Variants in MITF observed in about 807,000 individuals in gnomAD.
MITF encodes the protein melanocyte inducing transcription factor.
MITF carries 17 observed loss-of-function variants against 60.5 expected under a neutral mutation model. The ratio of observed to expected loss-of-function variants is 0.28; its 90% confidence interval spans 0.19 to 0.42. The LOEUF (loss-of-function observed/expected upper bound fraction) is 0.42, where lower values mean the gene tolerates loss of function less well. MITF is among the 10% of genes least tolerant of loss of function. The pLI, the probability that MITF is intolerant of heterozygous loss-of-function variation, is 1.00. For missense variants in MITF, 622 were observed against 683.5 expected (o/e 0.91, Z 1.00); for synonymous variants, 260 against 248.5 (o/e 1.05, Z -0.43).
intron 1 of MITF, among the ~76,000 whole-genome samples, chr3:69,818,704 T>G (rs1559649690): frequency 6.6e-6 from 1 of 152,164 alleles, no homozygotes; most frequent in Non-Finnish European, 1.5e-5. Context: ...ATATACTCAC[T>G]AGATACTTAA....
At chr3:69,882,009 A>G (rs151169708) in intron 2 of MITF, among the ~76,000 whole-genome samples, 1,585 of 152,330 alleles carry the variant, frequency 0.01, 20 homozygotes, top group Non-Finnish European at 0.016. Context: ...CAGAGGGAAG[A>G]AAGGTCATAG....
intron 1 of MITF, among the ~76,000 whole-genome samples, chr3:69,840,912 T>C (rs1049190878): frequency 6.6e-6 from 1 of 152,060 alleles, no homozygotes; most frequent in Non-Finnish European, 1.5e-5. Flanking sequence ...CATGCCACCA[T>C]GCCCAGCTAA....
In MITF at chr3:69,807,497, C is replaced by G. The variant is rs569416449; in HGVS notation, c.104+67796C>G. Among the ~76,000 whole-genome samples, 3 of 152,282 alleles carry G rather than the reference C, an allele frequency of 2.0e-5. No homozygotes were observed. The South Asian group carries it at 6.2e-4, about 32-fold the overall frequency. ...TCAAAGGCAATTGTGGAACAAAGAC[C>G]TTTTATGTTGGTTGAACCCAATTAA... On this transcript the variant is annotated intron_variant, in intron 1 of 9. Transcript: ENST00000352241.
intron 3 of MITF, 116 bp downstream of exon 3, chr3:69,938,165 C>T: frequency 8.0e-7 from 1 of 1,250,472 alleles, no homozygotes; most frequent in Non-Finnish European, 1.1e-6. Context: ...CATTTACCAG[C>T]CTTTGTCCCC....
chr3:69,930,612 C>A (rs940564636), intron 2 of MITF, among the ~76,000 whole-genome samples: 1 of 152,156 alleles, frequency 6.6e-6, no homozygotes, highest in Non-Finnish European at 1.5e-5. Flanking sequence ...GGTGCTCAAG[C>A]AATATTTGTT....
At position 69,943,072 on chromosome 3, in the gene MITF, C is replaced by CTT. The variant is rs781031439; in HGVS notation, c.762+1761_762+1762dup. Among the ~76,000 whole-genome samples the CTT allele has an allele frequency of 7.3e-3, 912 of 124,856 alleles. 16 individuals carry two copies. The highest frequency in any genetic ancestry group is 0.025 in the African/African-American group (840 of 33,310). The allele number at this position is 124,856 out of a possible 152,430, so 81.9% of individuals were successfully genotyped here. A position where few individuals can be genotyped will look rare whatever the true frequency, so the allele number is the denominator to read the frequency against. On this transcript the variant is annotated intron_variant, in intron 5 of 9. Coordinates refer to ENST00000352241, the MANE Select transcript of MITF (RefSeq NM_001354604.2). ...CTAGTACTCAATGCATTAGCCTCCT[C>CTT]TTTTTTTTTTTTTTTTTTTTTGATA...
chr3:69,940,964 C>G (rs376081376), intron 4 of MITF, among the ~76,000 whole-genome samples: 3 of 152,114 alleles, frequency 2.0e-5, no homozygotes, highest in East Asian at 3.9e-4. Flanking sequence ...AAAATCTTAG[C>G]CTATGAAAAT....
At chr3:69,964,823 G>T in intron 9 of MITF, 24 bp from the exon 10 acceptor site, 2 of 1,612,986 alleles carry the variant, frequency 1.2e-6, no homozygotes, top group Non-Finnish European at 1.7e-6. Flanking sequence ...CTATTTCAGT[G>T]TTTTATCTTT....
chr3:69,883,529 T>A (rs2064536820), intron 2 of MITF, among the ~76,000 whole-genome samples: 1 of 152,208 alleles, frequency 6.6e-6, no homozygotes, highest in Non-Finnish European at 1.5e-5. Flanking sequence ...GTGTGATTTA[T>A]TTTTTAGGTA....
At chr3:69,927,952 A>C (rs1369160252) in intron 2 of MITF, among the ~76,000 whole-genome samples, 1 of 152,220 alleles carries the variant, frequency 6.6e-6, no homozygotes, top group Non-Finnish European at 1.5e-5. Context: ...AATGGCTGAA[A>C]AACTTTATCT....
intron 1 of MITF, among the ~76,000 whole-genome samples, chr3:69,828,885 T>TC (rs902187588): frequency 2.6e-5 from 4 of 152,036 alleles, no homozygotes; most frequent in Admixed American, 1.3e-4. Flanking sequence ...TTATTTTTTT[T>TC]CATTATCAGC....
chr3:69,918,878 T>A (rs898079518), intron 2 of MITF, among the ~76,000 whole-genome samples: 1 of 152,256 alleles, frequency 6.6e-6, no homozygotes, highest in Non-Finnish European at 1.5e-5. Flanking sequence ...CTATTTTGAA[T>A]ATGGAAAATG....
intron 8 of MITF, among the ~76,000 whole-genome samples, 168 bp from the exon 9 acceptor site, chr3:69,959,105 C>T (rs1309253100): frequency 6.6e-6 from 1 of 151,958 alleles, no homozygotes; most frequent in Non-Finnish European, 1.5e-5. Context: ...TCGCAAAAAT[C>T]ACCACTAAAG....
intron 1 of MITF, among the ~76,000 whole-genome samples, chr3:69,866,656 G>GA (rs1210855634): frequency 3.9e-5 from 6 of 152,068 alleles, no homozygotes; most frequent in Admixed American, 2.6e-4. Flanking sequence ...GCGACTGCTT[G>GA]AAAAATCTGA....
chr3:69,805,144 C>T (rs1217402177), intron 1 of MITF, among the ~76,000 whole-genome samples: 2 of 152,006 alleles, frequency 1.3e-5, no homozygotes, highest in Non-Finnish European at 2.9e-5. Flanking sequence ...TTGCAATTTC[C>T]CTTTGTCTTC....
At chr3:69,767,968 T>C (rs2062327697) in intron 1 of MITF, among the ~76,000 whole-genome samples, 1 of 152,170 alleles carries the variant, frequency 6.6e-6, no homozygotes, top group Admixed American at 6.5e-5. Flanking sequence ...AAAGTAAGGC[T>C]ATATGTAAAC....
chr3:69,781,743 G>A (rs184900391), intron 1 of MITF, among the ~76,000 whole-genome samples: 3 of 152,304 alleles, frequency 2.0e-5, no homozygotes, highest in Admixed American at 2.0e-4. Context: ...AGCAGTCCCT[G>A]TACCTCCTAG....
intron 1 of MITF, among the ~76,000 whole-genome samples, chr3:69,853,353 C>T (rs2063857986): frequency 6.6e-6 from 1 of 152,120 alleles, no homozygotes. Context: ...CACTATTATC[C>T]TTCTTAATGT....
At chr3:69,876,677 A>C (rs1269434361) in intron 1 of MITF, among the ~76,000 whole-genome samples, 1 of 152,212 alleles carries the variant, frequency 6.6e-6, no homozygotes, top group Admixed American at 6.5e-5. Context: ...TCTGTAGAAA[A>C]TGTAGGAAAA....
Sources: allele counts gnomAD v4.1 joint callset (sites outside exome capture counted in the v4.1 genomes callset), GRCh38; gene constraint gnomAD v4.1.1; transcripts MANE v1.5; gene names NCBI Gene and HGNC (gene_info 2026-07-23, HGNC 2026-07-21).